CHIC1: variants seen among roughly 807,000 people sequenced by gnomAD.
CHIC1 encodes the protein cysteine-rich hydrophobic domain-containing protein 1.
Under a neutral mutation model 18.5 loss-of-function variants are expected in CHIC1, and 7 were observed. The observed-to-expected ratio is 0.38, with a 90% CI of 0.22 to 0.71. CHIC1 has a LOEUF of 0.71. CHIC1 is among the 30% of genes least tolerant of loss of function. CHIC1 has a pLI of 0.49. For synonymous variants in CHIC1, 77 were observed against 73.5 expected, an observed-to-expected ratio of 1.05 and a Z score of -0.25; for missense variants, 159 against 176.9, an observed-to-expected ratio of 0.90 and a Z score of 0.57.
intron 1 of CHIC1, among the ~76,000 whole-genome samples, chrX:73,576,166 G>C (rs1032912874): frequency 9.2e-6 from 1 of 109,231 alleles, no homozygotes; most frequent in Non-Finnish European, 1.9e-5. Context: ...TTCTAAAAGG[G>C]CCTGCCTGAG....
chrX:73,665,591 C>T (rs1455016493), intron 3 of CHIC1, among the ~76,000 whole-genome samples: 3 of 111,267 alleles, frequency 2.7e-5, no homozygotes, highest in Admixed American at 1.9e-4. Context: ...GCCTGAACAA[C>T]GTCCTCAAAC....
rs181975487 is a variant in CHIC1 at position 73,650,908 on chromosome X, T to C, written c.508-28418T>C. Among the ~76,000 whole-genome samples the C allele has an allele frequency of 2.1e-3, 235 of 111,560 alleles. 3 individuals are homozygous for C. The highest frequency in any genetic ancestry group is 7.3e-3 in the African/African-American group (223 of 30,680). On this transcript the variant is annotated intron_variant, in intron 3 of 5. Transcript: ENST00000373502. ...AAAAAAAGGAAACTTCAGGCCGATATTCCTGATGAACATCAATGCAAAAAT... is the reference window on the plus strand; with the variant it reads ...AAAAAAAGGAAACTTCAGGCCGATACTCCTGATGAACATCAATGCAAAAAT...
At chrX:73,673,765 G>A (rs2058045709) in intron 3 of CHIC1, among the ~76,000 whole-genome samples, 1 of 111,345 alleles carries the variant, frequency 9.0e-6, no homozygotes, top group Non-Finnish European at 1.9e-5. Context: ...AATTGCCCTG[G>A]CCAGAACTTC....
intron 3 of CHIC1, among the ~76,000 whole-genome samples, chrX:73,679,040 A>G (rs1040541241): frequency 2.7e-5 from 3 of 112,305 alleles, no homozygotes; most frequent in Non-Finnish European, 5.6e-5. Context: ...ACAGTAGTCC[A>G]GTGGATGGCC....
intron 3 of CHIC1, among the ~76,000 whole-genome samples, chrX:73,674,452 T>A (rs937825575): frequency 2.7e-5 from 3 of 112,042 alleles, no homozygotes; most frequent in African/African-American, 9.7e-5. Context: ...TCTTCCTGGT[T>A]TAGTCTTGGG....
At chrX:73,677,998 T>C (rs2058078052) in intron 3 of CHIC1, among the ~76,000 whole-genome samples, 1 of 110,721 alleles carries the variant, frequency 9.0e-6, no homozygotes, top group East Asian at 2.8e-4. Context: ...GTTGTTTTTT[T>C]TTTTTTTTTG....
chrX:73,578,440 TA>T (rs1426823376), intron 2 of CHIC1, among the ~76,000 whole-genome samples: 2 of 110,445 alleles, frequency 1.8e-5, no homozygotes, highest in Admixed American at 9.7e-5. Flanking sequence ...AAAACATGAT[TA>T]GGGGTTAAAG....
chrX:73,643,200 C>T (rs1249485827), intron 3 of CHIC1, among the ~76,000 whole-genome samples: 5 of 111,738 alleles, frequency 4.5e-5, no homozygotes, highest in African/African-American at 1.6e-4. Flanking sequence ...TTGGCCCCCA[C>T]TCTCTTCTGG....
At position 73,679,376 on chromosome X, in the gene CHIC1, T is replaced by C; in HGVS notation, c.558T>C (p.Tyr186=). 1 of 1,118,316 alleles carries C rather than the reference T, an allele frequency of 8.9e-7. No homozygotes were observed. Among genetic ancestry groups the C allele is most frequent in the Non-Finnish European group, 1.2e-6 (1 of 815,118 alleles). The allele number at this position is 1,118,316 out of a possible 1,213,427, so 92.2% of individuals were successfully genotyped here. A position where few individuals can be genotyped will look rare whatever the true frequency, so the allele number is the denominator to read the frequency against. ...TAGAATGGGAAAATAACAGATTATATCACAAGGTAAGAAATTTTAAGCACA... is the reference window on the plus strand; with the variant it reads ...TAGAATGGGAAAATAACAGATTATACCACAAGGTAAGAAATTTTAAGCACA... ...KLIEWENNRL[Y]HKLALHWKLT... The change falls in exon 4 of 6, where the codon TAT becomes TAC. Residue 186 remains tyrosine, a synonymous_variant. Coordinates refer to ENST00000373502, the MANE Select transcript of CHIC1 (RefSeq NM_001039840.4).
chrX:73,657,425 CTGT>C (rs749877083), intron 3 of CHIC1, among the ~76,000 whole-genome samples: 64 of 111,548 alleles, frequency 5.7e-4, no homozygotes, highest in African/African-American at 2.0e-3. Flanking sequence ...CTTGGCTTGC[CTGT>C]TGTTGGTGTA....
intron 1 of CHIC1, among the ~76,000 whole-genome samples, chrX:73,569,792 C>G (rs1291966601): frequency 9.0e-6 from 1 of 111,240 alleles, no homozygotes; most frequent in Non-Finnish European, 1.9e-5. Flanking sequence ...ATCTCATAGG[C>G]AAGAACAAGA....
chrX:73,577,602 G>T, intron 2 of CHIC1, 141 bp downstream of exon 2: 1 of 413,231 alleles, frequency 2.4e-6, no homozygotes, highest in East Asian at 3.9e-5. Flanking sequence ...TGTTTATAGT[G>T]TTTGAAAGCT....
chrX:73,645,581 T>A (rs182579155), intron 3 of CHIC1, among the ~76,000 whole-genome samples: 1 of 112,256 alleles, frequency 8.9e-6, no homozygotes, highest in Admixed American at 9.4e-5. Context: ...TGTTATCTTT[T>A]GTCTTTTTCA....
intron 3 of CHIC1, among the ~76,000 whole-genome samples, chrX:73,595,424 T>C (rs1028443593): frequency 9.0e-6 from 1 of 111,098 alleles, no homozygotes; most frequent in African/African-American, 3.3e-5. Flanking sequence ...ACATGCAGTG[T>C]TTGGTTTTCT....
At chrX:73,570,494 G>A (rs1290458404) in intron 1 of CHIC1, among the ~76,000 whole-genome samples, 1 of 111,275 alleles carries the variant, frequency 9.0e-6, no homozygotes, top group Non-Finnish European at 1.9e-5. Context: ...CAAGGTATAG[G>A]TTAAAGGAAG....
At chrX:73,678,814 A>G (rs2058084284) in intron 3 of CHIC1, among the ~76,000 whole-genome samples, 1 of 111,507 alleles carries the variant, frequency 9.0e-6, no homozygotes, top group Non-Finnish European at 1.9e-5. Context: ...ATTCTGATAT[A>G]TGTTGGCTTT....
chrX:73,571,085 G>T (rs1477440865), intron 1 of CHIC1, among the ~76,000 whole-genome samples: 15 of 108,359 alleles, frequency 1.4e-4, no homozygotes, highest in Non-Finnish European at 1.5e-4. Context: ...TTGTCTGGTG[G>T]TAAGTGAAAA....
Position 73,679,648 on chromosome X carries a change from T to C in CHIC1, c.565-6T>C. The C allele has an allele frequency of 9.0e-7, 1 of 1,105,752 alleles. No homozygotes were observed. The highest frequency in any genetic ancestry group is 1.2e-6 in the Non-Finnish European group (1 of 831,196). 91.1% of individuals were successfully genotyped at this position (1,105,752 alleles called of 1,213,427 possible). ...AAAAATTCTTAACAAGACTATACTT[T>C]CTTAGCTTGCTTTGCACTGGAAGTT... On this transcript the variant is annotated splice_region_variant and splice_polypyrimidine_tract_variant and intron_variant, in intron 4 of 5. Coordinates refer to ENST00000373502, the MANE Select transcript of CHIC1 (RefSeq NM_001039840.4).
At chrX:73,577,368 G>A in intron 1 of CHIC1, 39 bp from the exon 2 acceptor site, 2 of 1,067,754 alleles carry the variant, frequency 1.9e-6, no homozygotes, top group Non-Finnish European at 2.6e-6. Context: ...ATTTAAGTAT[G>A]CTGGGTAGAA....
Sources: gnomAD v4.1 joint callset for allele counts (sites outside exome capture counted in the v4.1 genomes callset) on GRCh38, gnomAD v4.1.1 for gene constraint, MANE v1.5 for transcripts, NCBI Gene and HGNC (gene_info 2026-07-23, HGNC 2026-07-21) for gene names.